AGBL1: variants seen among roughly 807,000 people sequenced by gnomAD.
AGBL1 encodes the protein cytosolic carboxypeptidase 4.
In AGBL1, 130 loss-of-function variants were observed where a neutral mutation model predicts 118.9. The ratio of observed to expected loss-of-function variants is 1.09; its 90% CI spans 0.95 to 1.26. AGBL1 has a LOEUF of 1.26. Among genes scored for constraint, AGBL1 ranks in the 50% most tolerant of loss-of-function variants. AGBL1 has a pLI of 0.00. For missense variants in AGBL1, 1,584 were observed against 1,298.1 expected (o/e 1.22, Z -3.38); for synonymous variants, 555 against 478.9 (o/e 1.16, Z -2.08).
intron 18 of AGBL1, among the ~76,000 whole-genome samples, chr15:86,423,092 C>G (rs189924314): frequency 6.6e-6 from 1 of 152,154 alleles, no homozygotes; most frequent in African/African-American, 2.4e-5. Flanking sequence ...TTTTATGAGG[C>G]CAGCATCATC....
intron 18 of AGBL1, among the ~76,000 whole-genome samples, chr15:86,484,260 A>G (rs758970449): frequency 2.0e-5 from 3 of 152,118 alleles, no homozygotes; most frequent in Admixed American, 6.6e-5. Flanking sequence ...GAAGGCTGAT[A>G]GAGGAGATGA....
chr15:86,167,711 C>G (rs1051437339), intron 5 of AGBL1, among the ~76,000 whole-genome samples: 1 of 152,136 alleles, frequency 6.6e-6, no homozygotes, highest in Non-Finnish European at 1.5e-5. Flanking sequence ...CAGAGACAAG[C>G]CAACTCAGTT....
rs1265350853 is a variant in AGBL1 at position 86,194,812 on chromosome 15, C to T, written c.489-30102C>T. Among the ~76,000 whole-genome samples, 10 of 152,162 alleles carry T rather than the reference C, an allele frequency of 6.6e-5. No individual in the cohort carries two copies. In the East Asian group the frequency reaches 1.9e-3, roughly 29 times the overall value. ...TATGGTGATTTAATCATAGTCCCAA[C>T]CTCATCAAACTAGACCTGAATAAGC... On this transcript the variant is annotated intron_variant, in intron 5 of 22. Coordinates refer to ENST00000614907, the MANE Select transcript of AGBL1 (RefSeq NM_001386094.1).
intron 23 of AGBL1, among the ~76,000 whole-genome samples, chr15:86,944,848 C>T (rs2080798152): frequency 6.6e-6 from 1 of 152,114 alleles, no homozygotes. Flanking sequence ...AGTGACAATA[C>T]AATTTATTGA....
rs1202954446 is a variant in AGBL1 at position 86,907,622 on chromosome 15, A to G, written c.*328A>G. 6.6e-6 allele frequency: 1 copy of G among 152,164 alleles called. No individual in the cohort carries two copies. Among genetic ancestry groups the G allele is most frequent in the Non-Finnish European group, 1.5e-5 (1 of 68,046 alleles). The allele number at this position is 152,164 out of a possible 1,614,324, so 9.4% of individuals were successfully genotyped here. A position where few individuals can be genotyped will look rare whatever the true frequency, so the allele number is the denominator to read the frequency against. ...GAGTTATTCTCCATTCTTGTGCTTG[A>G]ACTGGAGCAAGCTGGAAGTAGAGGA... On this transcript the variant is annotated 3_prime_UTR_variant, in exon 23 of 23. Transcript: ENST00000614907.
intron 21 of AGBL1, among the ~76,000 whole-genome samples, chr15:86,617,455 A>G (rs1954808516): frequency 6.6e-6 from 1 of 152,192 alleles, no homozygotes; most frequent in South Asian, 2.1e-4. Context: ...TCTCTAGTAC[A>G]GAATTGAGCA....
intron 21 of AGBL1, among the ~76,000 whole-genome samples, chr15:86,614,848 G>C (rs187647501): frequency 4.7e-4 from 72 of 152,330 alleles, no homozygotes; most frequent in Middle Eastern, 6.8e-3. Context: ...GTGTTGTGTA[G>C]ACAAAGAGAA....
At chr15:86,727,366 C>T (rs946842349) in intron 22 of AGBL1, among the ~76,000 whole-genome samples, 1 of 152,052 alleles carries the variant, frequency 6.6e-6, no homozygotes, top group African/African-American at 2.4e-5. Context: ...GGGCTGGCAA[C>T]GACTATTTTG....
chr15:86,859,123 A>G (rs1352269300), intron 22 of AGBL1, among the ~76,000 whole-genome samples: 20 of 152,166 alleles, frequency 1.3e-4, no homozygotes, highest in Admixed American at 1.2e-3. Context: ...TGGAATAGGG[A>G]AGAGTTAACC....
At chr15:86,398,490 T>C (rs1368121579) in intron 18 of AGBL1, among the ~76,000 whole-genome samples, 3 of 152,008 alleles carry the variant, frequency 2.0e-5, no homozygotes, top group Admixed American at 1.3e-4. Context: ...CAATGGAAAA[T>C]GTATTTTTAA....
chr15:87,014,346 C>CAAGT (rs2081589678), intron 24 of AGBL1, among the ~76,000 whole-genome samples: 1 of 152,118 alleles, frequency 6.6e-6, no homozygotes, highest in African/African-American at 2.4e-5. Flanking sequence ...TGATCTTAGG[C>CAAGT]AAGTAAGTAC....
chr15:86,518,308 T>C (rs2083146599), intron 18 of AGBL1, among the ~76,000 whole-genome samples: 1 of 152,052 alleles, frequency 6.6e-6, no homozygotes, highest in African/African-American at 2.4e-5. Flanking sequence ...AGGATCCCTG[T>C]TCTCAGTAGA....
rs2078370402 is a variant in AGBL1, at chr15:86,226,707, G to A, written c.526+1756G>A. The stretch of plus-strand genomic sequence containing the variant: ...TCAACACACCAGCCATGCCTAGTAG[G>A]CTGAGTGTGCAGTGATGGGCCTCAG... On this transcript the variant is annotated intron_variant, in intron 6 of 22. Transcript: ENST00000614907. 2.0e-5 allele frequency among the ~76,000 whole-genome samples: 3 copies of A among 152,168 alleles called. No individual in the cohort carries two copies. In the South Asian group the frequency reaches 6.2e-4, roughly 31 times the overall value.
At chr15:86,434,582 A>T (rs1031911152) in intron 18 of AGBL1, among the ~76,000 whole-genome samples, 1 of 152,234 alleles carries the variant, frequency 6.6e-6, no homozygotes, top group Non-Finnish European at 1.5e-5. Context: ...GCTAATTAAC[A>T]TTCAAATTGA....
Position 86,977,299 on chromosome 15 carries a change from G to A in AGBL1, c.3222-10688G>A, listed in dbSNP as rs142110741. Among the ~76,000 whole-genome samples, 115 of 151,370 alleles carry A rather than the reference G, an allele frequency of 7.6e-4. 1 individual carries two copies. In the East Asian group the frequency reaches 0.012, roughly 16 times the overall value. On this transcript the variant is annotated intron_variant, in intron 23 of 24. Transcript: ENST00000441037. ...ATTGGATTTTGTATGCAGTTTTAGC[G>A]GTCTACTAAGCTAATAGAAAACTAC...
At chr15:86,102,667 G>A (rs142060228) in intron 1 of AGBL1, among the ~76,000 whole-genome samples, 4 of 152,168 alleles carry the variant, frequency 2.6e-5, no homozygotes. Context: ...TCTAATAGAG[G>A]TTCCCTCATA....
intron 21 of AGBL1, among the ~76,000 whole-genome samples, chr15:86,634,512 A>G (rs1440708596): frequency 1.3e-5 from 2 of 152,170 alleles, no homozygotes; most frequent in Admixed American, 6.6e-5. Context: ...AGGAAAATCT[A>G]TATAGAGAGA....
intron 9 of AGBL1, among the ~76,000 whole-genome samples, chr15:86,260,439 G>A (rs1385837163): frequency 6.6e-6 from 1 of 152,214 alleles, no homozygotes; most frequent in Admixed American, 6.5e-5. Flanking sequence ...GATGTGGGCT[G>A]TCTTCACATA....
At chr15:86,355,500 G>A (rs1232040300) in intron 17 of AGBL1, among the ~76,000 whole-genome samples, 1 of 152,096 alleles carries the variant, frequency 6.6e-6, no homozygotes, top group Non-Finnish European at 1.5e-5. Flanking sequence ...CTGCTTTTGA[G>A]GGCTGCTGGC....
Sources: gnomAD v4.1 joint callset for allele counts (sites outside exome capture counted in the v4.1 genomes callset) on GRCh38, gnomAD v4.1.1 for gene constraint, MANE v1.5 for transcripts, NCBI Gene and HGNC (gene_info 2026-07-23, HGNC 2026-07-21) for gene names.